The following TNS1 variants were observed in gnomAD, a reference collection of about 807,000 sequenced individuals.
TNS1 encodes tensin 1.
TNS1 carries 62 observed loss-of-function variants against 168.6 expected under a neutral mutation model. The ratio of observed to expected loss-of-function variants is 0.37; its 90% CI spans 0.30 to 0.45. The LOEUF is 0.45. TNS1 is among the 20% of genes least tolerant of loss of function. The pLI, the probability that TNS1 is intolerant of heterozygous loss-of-function variation, is 1.00. For missense variants in TNS1, 2,240 were observed against 2,339.4 expected (o/e 0.96, Z 0.88); for synonymous variants, 934 against 933.2 (o/e 1.00, Z -0.02).
At chr2:217,885,283 G>A (rs1951090088) in intron 15 of TNS1, 119 bp from the exon 16 acceptor site, 19 of 1,399,248 alleles carry the variant, frequency 1.4e-5, no homozygotes, top group Non-Finnish European at 1.8e-5. Context: ...ACCCGGTGAG[G>A]GAGAGCTCAT....
rs1013609540 is a variant in TNS1 at position 217,998,933 on chromosome 2, T to C, written c.33+3907A>G. On this transcript the variant is annotated intron_variant, in intron 1 of 32. Transcript: ENST00000682258. The stretch of plus-strand genomic sequence containing the variant: ...TTGGTAACACCCATCCTGCTTGCAA[T>C]CATGTGCCAGTATGTGCAAGCAGCT... 2.6e-5 allele frequency among the ~76,000 whole-genome samples: 4 copies of C among 152,156 alleles called. No homozygotes were observed. In the South Asian group the frequency reaches 8.3e-4, roughly 32 times the overall value.
chr2:217,804,583 C>T lies in TNS1; in HGVS notation c.5396G>A (p.Arg1799Gln), dbSNP rs768769003. The T allele has an allele frequency of 9.9e-6, 16 of 1,613,982 alleles. No homozygotes were observed. The highest frequency in any genetic ancestry group is 4.5e-5 in the East Asian group (2 of 44,888). Residue 1799 changes from arginine (R) to glutamine (Q), a missense_variant, in exon 33 of 33, where the codon CGG becomes CAG. This residue lies in a region of TNS1 where 109 missense variants were observed against 168.1 expected (regional missense o/e 0.65). Coordinates refer to ENST00000682258, the MANE Select transcript of TNS1 (RefSeq NM_001387777.1). ...APAKLFGFVA[R>Q]KQGSTTDNAC... The stretch of plus-strand genomic sequence containing the variant: ...GTTGTCCGTGGTGCTGCCCTGCTTC[C>T]GGGCCACGAAGCCGAAGAGCCTGCA...
chr2:218,003,437 G>A (rs115324561), upstream of TNS1, among the ~76,000 whole-genome samples: 2,439 of 152,182 alleles, frequency 0.016, 57 homozygotes, highest in African/African-American at 0.051. Context: ...CTGAGTACCC[G>A]TGCCTGCCTT....
At chr2:217,805,437 C>T (rs1255067204) in intron 32 of TNS1, among the ~76,000 whole-genome samples, 2 of 96,166 alleles carry the variant, frequency 2.1e-5, no homozygotes, top group Non-Finnish European at 4.3e-5. Flanking sequence ...ACACATGCAC[C>T]ACACACATAC....
chr2:217,855,447 G>T (rs1487542524), intron 18 of TNS1, among the ~76,000 whole-genome samples: 2 of 152,152 alleles, frequency 1.3e-5, no homozygotes, highest in African/African-American at 4.8e-5. Flanking sequence ...TGCTCCTGTT[G>T]TCCCTTGTAG....
At chr2:217,950,496 T>C (rs1245099842) in intron 3 of TNS1, among the ~76,000 whole-genome samples, 2 of 152,000 alleles carry the variant, frequency 1.3e-5, no homozygotes, top group East Asian at 1.9e-4. Flanking sequence ...AGCTGACCTT[T>C]AGCCAAGCTG....
chr2:217,966,478 G>GAC (rs1559392001), intron 3 of TNS1, among the ~76,000 whole-genome samples: 1 of 152,146 alleles, frequency 6.6e-6, no homozygotes, highest in African/African-American at 2.4e-5. Context: ...CAGAAGAACA[G>GAC]ACACCAGGGG....
Position 218,002,839 on chromosome 2 carries a change from C to T in TNS1, c.33+1G>A. 2.2e-6 allele frequency: 1 copy of T among 456,898 alleles called. No homozygotes were observed. The highest frequency in any genetic ancestry group is 4.4e-6 in the Non-Finnish European group (1 of 226,980). 28.3% of individuals were successfully genotyped at this position (456,898 alleles called of 1,614,324 possible). On this transcript the variant is annotated splice_donor_variant, in intron 1 of 32. Transcript: ENST00000682258. LOFTEE classifies it high-confidence loss of function. ...GTCGCAGCTAAAGCAGCCAGACCTA[C>T]CCAGAGCATGCAGGACAGACAGATC...
chr2:217,877,616 G>A (rs1280100413), intron 18 of TNS1, among the ~76,000 whole-genome samples: 5 of 152,238 alleles, frequency 3.3e-5, no homozygotes, highest in Admixed American at 1.3e-4. Context: ...AACAGAATTC[G>A]GGAGAGGGCT....
chr2:217,817,852 G>A lies in TNS1; in HGVS notation c.4480C>T (p.Arg1494Ter), dbSNP rs1559158687. The change falls in exon 24 of 33, where the codon CGA (arginine) becomes TGA (stop). Residue 1494 changes from arginine (R) to a stop codon, truncating the protein, a stop_gained. Transcript: ENST00000682258. LOFTEE classifies it high-confidence loss of function. ...GSPTPALPEK[R>*]RMSVGDRAGS... Reference sequence around the variant, plus strand: ...GCCCGGTCTCCCACTGACATCCTTCGCTTCTCTGGCAAGGCTGGTGTTGGG... The same window carrying A: ...GCCCGGTCTCCCACTGACATCCTTCACTTCTCTGGCAAGGCTGGTGTTGGG... The A allele has an allele frequency of 1.9e-6, 3 of 1,614,210 alleles. No individual in the cohort carries two copies. Among genetic ancestry groups the A allele is most frequent in the African/African-American group, 1.3e-5 (1 of 75,050 alleles).
At chr2:217,879,451 G>T (rs780122289) in intron 18 of TNS1, 149 of 454,720 alleles carry the variant, frequency 3.3e-4, no homozygotes, top group East Asian at 7.1e-4. Context: ...CTTTTCACAA[G>T]CAGCCTGGGG....
rs1353273226 is a variant in TNS1 at position 217,921,029 on chromosome 2, GGGA to G, written c.187-796_187-794del. ...GGAGAGTGGAGGGGAGGGAGCGAGA[GGGA>G]GGAGGAGAGTAGAGGGGAGGGAGGG... On this transcript the variant is annotated intron_variant, in intron 3 of 32. Coordinates refer to ENST00000682258, the MANE Select transcript of TNS1 (RefSeq NM_001387777.1). 1.8e-4 allele frequency among the ~76,000 whole-genome samples: 28 copies of G among 151,738 alleles called. No homozygotes were observed. In the East Asian group the frequency reaches 4.9e-3, roughly 26 times the overall value.
intron 18 of TNS1, among the ~76,000 whole-genome samples, chr2:217,865,609 G>A (rs1158642406): frequency 2.0e-5 from 3 of 152,204 alleles, no homozygotes; most frequent in Non-Finnish European, 1.5e-5. Flanking sequence ...TAAGCAGCCA[G>A]GGCATCGACT....
chr2:217,858,849 A>G (rs993498451), intron 18 of TNS1, among the ~76,000 whole-genome samples: 14 of 152,000 alleles, frequency 9.2e-5, no homozygotes, highest in African/African-American at 3.4e-4. Flanking sequence ...ATCATCCTGC[A>G]GCTATGCCGT....
chr2:218,022,183 GAGAA>G (rs1958811273), intron 1 of TNS1, among the ~76,000 whole-genome samples: 2 of 151,918 alleles, frequency 1.3e-5, no homozygotes, highest in Non-Finnish European at 2.9e-5. Context: ...AGGGAGAGGA[GAGAA>G]AGAGACAGAG....
chr2:217,908,362 A>T (rs1193524991), intron 4 of TNS1, among the ~76,000 whole-genome samples: 1 of 152,188 alleles, frequency 6.6e-6, no homozygotes, highest in East Asian at 1.9e-4. Flanking sequence ...CACCGTTTCC[A>T]ACTCAGTGAA....
At chr2:217,849,838 G>C in intron 18 of TNS1, 1 of 985,410 alleles carries the variant, frequency 1.0e-6, no homozygotes, top group Non-Finnish European at 1.2e-6. Flanking sequence ...AGGGCAGTAG[G>C]GTGCAGCAAA....
In TNS1 at chr2:217,882,733, AATTTTATTTT is replaced by A. The variant is rs574032856; in HGVS notation, c.1247-332_1247-323del. 9.5e-4 allele frequency among the ~76,000 whole-genome samples: 144 copies of A among 152,052 alleles called. 1 individual carries two copies. Among genetic ancestry groups the A allele is most frequent in the African/African-American group, 3.4e-3 (139 of 41,482 alleles). On this transcript the variant is annotated intron_variant, in intron 16 of 32. Coordinates refer to ENST00000682258, the MANE Select transcript of TNS1 (RefSeq NM_001387777.1). ...TTTTATGCCACTATTTCTAGATCCC[AATTTTATTTT>A]ATTTTATTTTATTTATTTTGAGATG...
intron 3 of TNS1, among the ~76,000 whole-genome samples, chr2:217,944,447 TGGA>T (rs1232064253): frequency 1.3e-5 from 2 of 152,108 alleles, no homozygotes; most frequent in African/African-American, 4.8e-5. Flanking sequence ...GGCTTCTGGG[TGGA>T]GAAGAATGTT....
Sources: gnomAD v4.1 joint callset for allele counts (sites outside exome capture counted in the v4.1 genomes callset) on GRCh38, gnomAD v4.1.1 for gene constraint, gnomAD v4.1.1 regional missense constraint, MANE v1.5 for transcripts, NCBI Gene and HGNC (gene_info 2026-07-23, HGNC 2026-07-21) for gene names.